The following RNF112 variants were observed in gnomAD, a reference collection of about 807,000 sequenced individuals.
RNF112 encodes brain finger protein.
In RNF112, 34 loss-of-function variants were observed where a neutral mutation model predicts 64.7. The ratio of observed to expected loss-of-function variants is 0.53; its 90% CI spans 0.40 to 0.70. The LOEUF is 0.70. Among genes scored for constraint, RNF112 ranks in the 30% least tolerant of loss-of-function variants. RNF112 has a pLI of 0.00. For missense variants in RNF112, 734 were observed against 850.0 expected (o/e 0.86, Z 1.70); for synonymous variants, 345 against 344.5 (o/e 1.00, Z -0.02).
Position 19,414,803 on chromosome 17 carries a change from C to G in RNF112, c.1042C>G (p.Leu348Val). 1 of 1,613,728 alleles carries G rather than the reference C, an allele frequency of 6.2e-7. No individual in the cohort carries two copies. Among genetic ancestry groups the G allele is most frequent in the Non-Finnish European group, 8.5e-7 (1 of 1,179,846 alleles). Residue 348 changes from leucine (L) to valine (V), a missense_variant, in exon 10 of 14, where the codon CTG (leucine) becomes GTG (valine). Physicochemically the swap from Leu to Val is conservative, Grantham distance 32. Transcript: ENST00000461366. ...TGGCAGATACCCCAAGGTGCAGGAG[C>G]TGCTGCAAGGGAAGCGAGCCCGTTG... The part of the protein sequence containing the change: ...LSGRYPKVQE[L>V]LQGKRARCCL...
In RNF112 at chr17:19,413,072, C is replaced by A. The variant is rs764228080; in HGVS notation, c.516C>A (p.Leu172=). The A allele has an allele frequency of 3.1e-6, 5 of 1,613,276 alleles. No individual in the cohort carries two copies. In the South Asian group the frequency reaches 5.5e-5, roughly 18 times the overall value. ...PLARDTPVCL[L]AVLGEQHSGK... ...CCAGGGACACCCCAGTCTGCCTCCTCGCTGTCCTGGGGGAGCAGCACTCAG... is the reference window on the plus strand; with the variant it reads ...CCAGGGACACCCCAGTCTGCCTCCTAGCTGTCCTGGGGGAGCAGCACTCAG... Residue 172 remains leucine (L), a synonymous_variant, in exon 4 of 14, where the codon CTC becomes CTA. Transcript: ENST00000461366. This position sits in a 1 kb window ranked among gnomAD's most constrained non-coding sequence, Gnocchi z 5.9.
In RNF112 at chr17:19,415,527, C is replaced by T. The variant is rs759211284; in HGVS notation, c.1360C>T (p.Gln454Ter). 1 of 1,611,826 alleles carries T rather than the reference C, an allele frequency of 6.2e-7. No homozygotes were observed. The highest frequency in any genetic ancestry group is 1.1e-5 in the South Asian group (1 of 90,538). The change falls in exon 13 of 14, where the codon CAG (glutamine) becomes TAG (stop). Residue 454 changes from glutamine to a stop codon, truncating the protein, a stop_gained. Coordinates refer to ENST00000461366, the MANE Select transcript of RNF112 (RefSeq NM_007148.5). LOFTEE classifies it high-confidence loss of function. This position sits in a 1 kb window ranked among gnomAD's most constrained non-coding sequence, Gnocchi z 7.8. The part of the protein sequence containing the change: ...GFTSPDEMAA[Q>*]LHDLRKVEAA... ...GTTTTCCCGTGGACAGATGGCTGCT[C>T]AGCTGCACGACCTGAGGAAGGTGGA...
In RNF112 at chr17:19,412,933, C is replaced by A; in HGVS notation, c.382-5C>A. The A allele has an allele frequency of 6.3e-7, 1 of 1,579,706 alleles. No individual in the cohort carries two copies. Among genetic ancestry groups the A allele is most frequent in the South Asian group, 1.2e-5 (1 of 86,952 alleles). Reference sequence around the variant, plus strand: ...CTCAGGGGCCCCTCTCTTCTCCTGGCCCAGGAGACGTGTCCTGTGAGGGCG... The same window carrying A: ...CTCAGGGGCCCCTCTCTTCTCCTGGACCAGGAGACGTGTCCTGTGAGGGCG... On this transcript the variant is annotated splice_region_variant and splice_polypyrimidine_tract_variant and intron_variant, in intron 3 of 13. Transcript: ENST00000461366. This position sits in a 1 kb window ranked among gnomAD's most constrained non-coding sequence, Gnocchi z 5.1.
Position 19,411,265 on chromosome 17 carries a change from T to C in RNF112, c.-144T>C. On this transcript the variant is annotated 5_prime_UTR_variant, in exon 1 of 14. Coordinates refer to ENST00000461366, the MANE Select transcript of RNF112 (RefSeq NM_007148.5). Reference sequence around the variant, plus strand: ...TTTCCAGCTCTGACCGGGAGTCAGCTCCTCGGGGATACCATCCCCCGACCT... The same window carrying C: ...TTTCCAGCTCTGACCGGGAGTCAGCCCCTCGGGGATACCATCCCCCGACCT... The C allele has an allele frequency of 4.4e-6, 3 of 685,926 alleles. No individual in the cohort carries two copies. Among genetic ancestry groups the C allele is most frequent in the Non-Finnish European group, 7.4e-6 (3 of 404,376 alleles). The allele number at this position is 685,926 out of a possible 1,614,324, so 42.5% of individuals were successfully genotyped here. A position where few individuals can be genotyped will look rare whatever the true frequency, so the allele number is the denominator to read the frequency against.
In RNF112 at chr17:19,413,973, TG is replaced by T; in HGVS notation, c.826-120del. The T allele has an allele frequency of 3.8e-6, 3 of 787,740 alleles. No individual in the cohort carries two copies. Among genetic ancestry groups the T allele is most frequent in the Non-Finnish European group, 6.2e-6 (3 of 482,288 alleles). 48.8% of individuals were successfully genotyped at this position (787,740 alleles called of 1,614,324 possible). A position where few individuals can be genotyped will look rare whatever the true frequency, so the allele number is the denominator to read the frequency against. ...CCTGCAGCCTTCGAGGCCCCCATAC[TG>T]GCCTCTCCCATACTCTGAGGCCCAC... On this transcript the variant is annotated intron_variant, in intron 6 of 13. Coordinates refer to ENST00000461366, the MANE Select transcript of RNF112 (RefSeq NM_007148.5). The surrounding 1 kb of genome is among the most constrained non-coding windows in gnomAD (Gnocchi z 5.9).
Position 19,413,249 on chromosome 17 carries a change from C to A in RNF112, c.589-31C>A, listed in dbSNP as rs1913735527. 1 of 1,596,240 alleles carries A rather than the reference C, an allele frequency of 6.3e-7. No individual in the cohort carries two copies. Among genetic ancestry groups the A allele is most frequent in the Non-Finnish European group, 8.6e-7 (1 of 1,168,052 alleles). On this transcript the variant is annotated intron_variant, in intron 4 of 13. Transcript: ENST00000461366. This position sits in a 1 kb window ranked among gnomAD's most constrained non-coding sequence, Gnocchi z 5.9. ...CGGTCTGTGGGGACAAGGAACCGAC[C>A]AACTGATGCTCTCCCTTCTCTCCCC...
chr17:19,414,075 G>A lies in RNF112; in HGVS notation c.826-20G>A. On this transcript the variant is annotated intron_variant, in intron 6 of 13. Transcript: ENST00000461366. The stretch of plus-strand genomic sequence containing the variant: ...CCGGCCTCTGTAATCTCTCATACAT[G>A]TTGTTCTCTCTGATTCCAGATCCTC... The A allele has an allele frequency of 3.8e-6, 6 of 1,598,074 alleles. No homozygotes were observed. Among genetic ancestry groups the A allele is most frequent in the Non-Finnish European group, 5.1e-6 (6 of 1,166,604 alleles).
chr17:19,412,714 G>T lies in RNF112; in HGVS notation c.312G>T (p.Lys104Asn). Residue 104 changes from lysine to asparagine, a missense_variant, in exon 3 of 14, where the codon AAG becomes AAT. Physicochemically the swap from Lys to Asn is moderately conservative, Grantham distance 94. Transcript: ENST00000461366. The surrounding 1 kb of genome is among the most constrained non-coding windows in gnomAD (Gnocchi z 5.1). ...CPECRKICKQ[K>N]RGLRSLGEKM... ...AGTGCCGGAAGATATGCAAGCAGAA[G>T]AGGGGCCTCCGGAGCCTGGGCGAGA... 1 of 1,613,300 alleles carries T rather than the reference G, an allele frequency of 6.2e-7. No individual in the cohort carries two copies. Among genetic ancestry groups the T allele is most frequent in the Admixed American group, 1.7e-5 (1 of 59,940 alleles).
rs1246425532 is a variant in RNF112, at chr17:19,413,130, G to A, written c.574G>A (p.Gly192Ser). Reference protein sequence around the residue: ...KSFLLNHLLQGLPGLESGEGG... With the variant: ...KSFLLNHLLQSLPGLESGEGG... ...CTTCCTCCTCAACCATTTGCTTCAG[G>A]GCTTGCCGGGCCTGGTGAGGGCGGG... Residue 192 changes from glycine (G) to serine (S), a missense_variant, in exon 4 of 14, where the codon GGC becomes AGC. Coordinates refer to ENST00000461366, the MANE Select transcript of RNF112 (RefSeq NM_007148.5). The surrounding 1 kb of genome is among the most constrained non-coding windows in gnomAD (Gnocchi z 5.9). 3.1e-6 allele frequency: 5 copies of A among 1,612,818 alleles called. No homozygotes were observed. In the African/African-American group the frequency reaches 6.7e-5, roughly 22 times the overall value.
chr17:19,415,406 C>T lies in RNF112; in HGVS notation c.1350+67C>T. On this transcript the variant is annotated intron_variant, in intron 12 of 13. Coordinates refer to ENST00000461366, the MANE Select transcript of RNF112 (RefSeq NM_007148.5). This position sits in a 1 kb window ranked among gnomAD's most constrained non-coding sequence, Gnocchi z 7.8. Reference sequence around the variant, plus strand: ...GGGAGGCAGGGAGGTGGGGGCTGTGCCGAGGCCTCCGGGGTGGGGGTCTGT... The same window carrying T: ...GGGAGGCAGGGAGGTGGGGGCTGTGTCGAGGCCTCCGGGGTGGGGGTCTGT... The T allele has an allele frequency of 6.5e-7, 1 of 1,543,096 alleles. No individual in the cohort carries two copies. The highest frequency in any genetic ancestry group is 8.8e-7 in the Non-Finnish European group (1 of 1,142,742).
chr17:19,411,800 C>A, intron 2 of RNF112, 130 bp downstream of exon 2: 1 of 992,912 alleles, frequency 1.0e-6, no homozygotes, highest in Non-Finnish European at 1.5e-6. Context: ...CTGGATCCGC[C>A]AGGCTGTGGA....
chr17:19,414,946 C>T lies in RNF112; in HGVS notation c.1126+59C>T, dbSNP rs1913814118. 13 of 1,594,850 alleles carry T rather than the reference C, an allele frequency of 8.2e-6. No individual in the cohort carries two copies. In the Admixed American group the frequency reaches 1.0e-4, roughly 12 times the overall value. ...CTGCTCCCAGCTCCCCTCCGGCAACCGAGCCCCTTGAAGCACCCACCTCTC... is the reference window on the plus strand; with the variant it reads ...CTGCTCCCAGCTCCCCTCCGGCAACTGAGCCCCTTGAAGCACCCACCTCTC... On this transcript the variant is annotated intron_variant, in intron 10 of 13. Coordinates refer to ENST00000461366, the MANE Select transcript of RNF112 (RefSeq NM_007148.5).
At chr17:19,414,266 G>C (rs1306485799) in intron 7 of RNF112, 121 bp downstream of exon 7, 1 of 1,130,998 alleles carries the variant, frequency 8.8e-7, no homozygotes, top group East Asian at 2.4e-5. Flanking sequence ...GAACAGGGTT[G>C]AAGGGGGAGG....
chr17:19,414,278 T>C, intron 7 of RNF112, 133 bp downstream of exon 7: 1 of 1,098,898 alleles, frequency 9.1e-7, no homozygotes, highest in Non-Finnish European at 1.3e-6. Context: ...AGGGGGAGGG[T>C]GGAGAGTAAA....
Position 19,416,217 on chromosome 17 carries a change from G to T in RNF112, c.*42G>T. On this transcript the variant is annotated 3_prime_UTR_variant, in exon 14 of 14. Coordinates refer to ENST00000461366, the MANE Select transcript of RNF112 (RefSeq NM_007148.5). Reference sequence around the variant, plus strand: ...TGAAGGACAGGAGAGATGTCAGGTGGGGATGAAGAAGAGGGGCAGGTCGGG... The same window carrying T: ...TGAAGGACAGGAGAGATGTCAGGTGTGGATGAAGAAGAGGGGCAGGTCGGG... 6.7e-7 allele frequency: 1 copy of T among 1,497,728 alleles called. No homozygotes were observed. The highest frequency in any genetic ancestry group is 1.3e-5 in the South Asian group (1 of 77,750). The allele number at this position is 1,497,728 out of a possible 1,614,324, so 92.8% of individuals were successfully genotyped here.
In RNF112 at chr17:19,415,437, C is replaced by T; in HGVS notation, c.1351-81C>T. The T allele has an allele frequency of 1.3e-6, 2 of 1,551,582 alleles. No homozygotes were observed. Among genetic ancestry groups the T allele is most frequent in the Non-Finnish European group, 1.7e-6 (2 of 1,147,088 alleles). On this transcript the variant is annotated intron_variant, in intron 12 of 13. Transcript: ENST00000461366. This position sits in a 1 kb window ranked among gnomAD's most constrained non-coding sequence, Gnocchi z 7.8. ...CCTCCGGGGTGGGGGTCTGTGTGCC[C>T]TGGGAGTGGAGATGAGGAAACAAGC...
In RNF112 at chr17:19,413,663, G is replaced by C; in HGVS notation, c.807G>C (p.Thr269=). 1.9e-6 allele frequency: 3 copies of C among 1,610,434 alleles called. No individual in the cohort carries two copies. The highest frequency in any genetic ancestry group is 2.5e-6 in the Non-Finnish European group (3 of 1,178,348). ...ETRIKLCALT[T]MLSSYQILST... is the part of the protein sequence containing the mutation. ...GGATCAAGCTCTGTGCTCTCACCAC[G>C]ATGCTGAGCTCCTACCAGGTGATGG... The change falls in exon 6 of 14, where the codon ACG becomes ACC. Residue 269 remains threonine, a synonymous_variant. Transcript: ENST00000461366. This position sits in a 1 kb window ranked among gnomAD's most constrained non-coding sequence, Gnocchi z 5.9.
In RNF112 at chr17:19,415,477, AGAAG is replaced by A; in HGVS notation, c.1351-30_1351-27del. The A allele has an allele frequency of 1.9e-6, 3 of 1,587,814 alleles. No individual in the cohort carries two copies. The highest frequency in any genetic ancestry group is 2.6e-6 in the Non-Finnish European group (3 of 1,166,994). ...AGGAAACAAGCAGCGCCCCTGGCTGAGAAGGAAGGAAGGAGGCAGCCTGGGTTTT... is the reference window on the plus strand; with the variant it reads ...AGGAAACAAGCAGCGCCCCTGGCTGAGAAGGAAGGAGGCAGCCTGGGTTTT... On this transcript the variant is annotated intron_variant, in intron 12 of 13. Coordinates refer to ENST00000461366, the MANE Select transcript of RNF112 (RefSeq NM_007148.5). The surrounding 1 kb of genome is among the most constrained non-coding windows in gnomAD (Gnocchi z 7.8).
chr17:19,414,420 C>G, intron 7 of RNF112, 29 bp from the exon 8 acceptor site: 1 of 1,613,596 alleles, frequency 6.2e-7, no homozygotes, highest in Non-Finnish European at 8.5e-7. Flanking sequence ...AGTGGCCCAG[C>G]CCTGACGCTT....
Sources: allele counts gnomAD v4.1 joint callset, GRCh38; gene constraint gnomAD v4.1.1; non-coding constraint Gnocchi (gnomAD v3.1); transcripts MANE v1.5; gene names NCBI Gene and HGNC (gene_info 2026-07-23, HGNC 2026-07-21).